Variants in NCKAP5 observed in about 807,000 individuals in gnomAD.
NCKAP5 encodes NCK associated protein 5.
Under a neutral mutation model 167.0 loss-of-function variants are expected in NCKAP5, and 92 were observed. The ratio of observed to expected loss-of-function variants is 0.55; its 90% CI spans 0.47 to 0.66. The LOEUF is 0.66. Among genes scored for constraint, NCKAP5 ranks in the 30% least tolerant of loss-of-function variants. NCKAP5 has a pLI of 0.00. For synonymous variants in NCKAP5, 891 were observed against 877.4 expected (o/e 1.02, Z -0.27); for missense variants, 2,378 against 2,315.0 (o/e 1.03, Z -0.56).
At chr2:133,310,558 C>G (rs879218826) in intron 3 of NCKAP5, among the ~76,000 whole-genome samples, 1 of 152,212 alleles carries the variant, frequency 6.6e-6, no homozygotes, top group African/African-American at 2.4e-5. Flanking sequence ...AGTGTCTCCC[C>G]GTATTCCATC....
At chr2:133,189,382 T>G (rs1002294124) in intron 5 of NCKAP5, among the ~76,000 whole-genome samples, 2 of 152,190 alleles carry the variant, frequency 1.3e-5, no homozygotes, top group African/African-American at 4.8e-5. Flanking sequence ...CCGTTCCTTC[T>G]GAAACTATTC....
chr2:133,558,704 C>CAAGAAAA (rs1687930070), intron 2 of NCKAP5, among the ~76,000 whole-genome samples: 1 of 50,872 alleles, frequency 2.0e-5, no homozygotes, highest in Admixed American at 3.1e-4. Context: ...ATGTGCTGAG[C>CAAGAAAA]AAAAAAAAAA....
At chr2:133,254,684 G>C (rs1434822108) in intron 4 of NCKAP5, among the ~76,000 whole-genome samples, 1 of 152,044 alleles carries the variant, frequency 6.6e-6, no homozygotes, top group Non-Finnish European at 1.5e-5. Flanking sequence ...TAGGTATTAG[G>C]ACACCAATTT....
intron 16 of NCKAP5, among the ~76,000 whole-genome samples, chr2:132,769,964 T>G (rs1031419252): frequency 4.6e-5 from 7 of 152,214 alleles, no homozygotes; most frequent in Non-Finnish European, 7.3e-5. Flanking sequence ...GGCTCCTCTA[T>G]TTGGCTTAAC....
At chr2:133,353,596 G>T (rs183138243) in intron 3 of NCKAP5, among the ~76,000 whole-genome samples, 2 of 152,286 alleles carry the variant, frequency 1.3e-5, no homozygotes, top group Admixed American at 1.3e-4. Flanking sequence ...TACCCAAAAA[G>T]TTGCCTTTTG....
intron 8 of NCKAP5, among the ~76,000 whole-genome samples, chr2:132,943,357 T>C (rs1172645954): frequency 1.3e-5 from 2 of 152,258 alleles, no homozygotes; most frequent in African/African-American, 2.4e-5. Context: ...CATTTTAACA[T>C]ACCTTGTCAA....
At chr2:133,068,610 G>C (rs1239119257) in intron 6 of NCKAP5, among the ~76,000 whole-genome samples, 1 of 152,110 alleles carries the variant, frequency 6.6e-6, no homozygotes, top group Non-Finnish European at 1.5e-5. Flanking sequence ...CTCTGGGTCT[G>C]AAACATAAAA....
chr2:133,567,973 A>G (rs1041784931), intron 1 of NCKAP5, among the ~76,000 whole-genome samples: 9 of 152,192 alleles, frequency 5.9e-5, no homozygotes, highest in African/African-American at 1.4e-4. Flanking sequence ...AGGATTAGCC[A>G]TTCAGTATCT....
chr2:133,355,364 T>A (rs1171813372), intron 3 of NCKAP5, among the ~76,000 whole-genome samples: 1 of 152,226 alleles, frequency 6.6e-6, no homozygotes, highest in African/African-American at 2.4e-5. Context: ...GTTCTGCATA[T>A]ACCTACTGAC....
intron 5 of NCKAP5, among the ~76,000 whole-genome samples, chr2:133,170,944 T>G (rs2084223950): frequency 6.6e-6 from 1 of 152,160 alleles, no homozygotes; most frequent in African/African-American, 2.4e-5. Flanking sequence ...GTGACAAGCT[T>G]GCTAAGTCTA....
intron 4 of NCKAP5, among the ~76,000 whole-genome samples, chr2:133,265,312 A>G (rs2089139773): frequency 1.3e-5 from 2 of 152,174 alleles, no homozygotes; most frequent in South Asian, 4.1e-4. Context: ...TTACTCAGCA[A>G]GAAAGCGAAC....
intron 3 of NCKAP5, among the ~76,000 whole-genome samples, chr2:133,319,986 C>T (rs1286151769): frequency 6.6e-6 from 1 of 152,090 alleles, no homozygotes; most frequent in African/African-American, 2.4e-5. Flanking sequence ...GAATCTAATT[C>T]CAGCCTTTAG....
chr2:132,766,278 CAAAAAAAAAAA>C lies in NCKAP5; in HGVS notation c.5128+7527_5128+7537del, dbSNP rs70973405. Among the ~76,000 whole-genome samples the C allele has an allele frequency of 2.3e-4, 9 of 38,408 alleles. No individual in the cohort carries two copies. In the South Asian group the frequency reaches 5.1e-3, roughly 22 times the overall value. 25.2% of individuals were successfully genotyped at this position (38,408 alleles called of 152,430 possible). A position where few individuals can be genotyped will look rare whatever the true frequency, so the allele number is the denominator to read the frequency against. On this transcript the variant is annotated intron_variant, in intron 16 of 19. Coordinates refer to ENST00000409261, the MANE Select transcript of NCKAP5 (RefSeq NM_207363.3). ...CTGGCGAAACAGTGAGATTCTGTCTCAAAAAAAAAAAAAAAAAAAAAAAAAAAGAGAAAATC... is the reference window on the plus strand; with the variant it reads ...CTGGCGAAACAGTGAGATTCTGTCTCAAAAAAAAAAAAAAAAGAGAAAATC...
the NCKAP5 span, among the ~76,000 whole-genome samples, chr2:133,619,241 T>C: frequency 2.0e-5 from 3 of 149,160 alleles, no homozygotes; most frequent in Middle Eastern, 3.4e-3. Context: ...ACCAGCATGG[T>C]ACATGTATAC....
the NCKAP5 span, among the ~76,000 whole-genome samples, chr2:133,594,126 C>T: frequency 1.3e-5 from 2 of 152,200 alleles, no homozygotes; most frequent in Non-Finnish European, 2.9e-5. Flanking sequence ...GTGGAGCCCA[C>T]GCTTCTTTGA....
intron 3 of NCKAP5, among the ~76,000 whole-genome samples, chr2:133,411,523 T>C (rs996876372): frequency 6.6e-6 from 1 of 152,152 alleles, no homozygotes; most frequent in Non-Finnish European, 1.5e-5. Flanking sequence ...CATTTTCCAC[T>C]GGGGCTGGTG....
intron 4 of NCKAP5, among the ~76,000 whole-genome samples, chr2:133,217,011 A>C (rs2086457744): frequency 6.6e-6 from 1 of 152,124 alleles, no homozygotes; most frequent in African/African-American, 2.4e-5. Context: ...CATTACTAGA[A>C]AGATAAAGGA....
At chr2:133,168,534 C>G (rs1465116842) in intron 5 of NCKAP5, among the ~76,000 whole-genome samples, 3 of 152,000 alleles carry the variant, frequency 2.0e-5, no homozygotes, top group Admixed American at 1.3e-4. Flanking sequence ...TTCCCAGTAT[C>G]CAGCTCCCTT....
chr2:133,661,621 G>A, the NCKAP5 span, among the ~76,000 whole-genome samples: 1 of 152,182 alleles, frequency 6.6e-6, no homozygotes, highest in Non-Finnish European at 1.5e-5. Context: ...CGATCCAGTG[G>A]CAGTTCCATT....
Sources: gnomAD v4.1 joint callset for allele counts (sites outside exome capture counted in the v4.1 genomes callset) on GRCh38, gnomAD v4.1.1 for gene constraint, MANE v1.5 for transcripts, NCBI Gene and HGNC (gene_info 2026-07-23, HGNC 2026-07-21) for gene names.